The following ZDHHC21 variants were observed in gnomAD, a reference collection of about 807,000 sequenced individuals.
ZDHHC21 encodes palmitoyltransferase ZDHHC21.
In ZDHHC21, 15 loss-of-function variants were observed where a neutral mutation model predicts 34.6. The observed-to-expected ratio is 0.43, with a 90% CI of 0.29 to 0.67. ZDHHC21 has a LOEUF of 0.67. Ranked by LOEUF, ZDHHC21 falls within the 30% of genes least tolerant of loss-of-function variation. The probability of loss-of-function intolerance (pLI) is 0.14; values close to 1 mark genes in which losing one functional copy is unlikely to be tolerated. For missense variants in ZDHHC21, 344 were observed against 327.7 expected (o/e 1.05, Z -0.38); for synonymous variants, 142 against 101.8 (o/e 1.40, Z -2.38).
intron 6 of ZDHHC21, among the ~76,000 whole-genome samples, chr9:14,660,500 C>G (rs545630704): frequency 1.3e-5 from 2 of 151,266 alleles, no homozygotes; most frequent in East Asian, 3.9e-4. Context: ...CTGAAAACAT[C>G]AAAAATTTTC....
At chr9:14,640,684 T>G (rs1027370469) in intron 7 of ZDHHC21, among the ~76,000 whole-genome samples, 5 of 152,082 alleles carry the variant, frequency 3.3e-5, no homozygotes, top group Non-Finnish European at 7.4e-5. Context: ...GAGCTCAACT[T>G]TGGAAAATTC....
intron 8 of ZDHHC21, among the ~76,000 whole-genome samples, chr9:14,635,407 A>G (rs1396153926): frequency 6.6e-6 from 1 of 152,220 alleles, no homozygotes; most frequent in African/African-American, 2.4e-5. Context: ...TCAAAAGTCA[A>G]AGACAGAGAA....
rs76729549 is a variant in ZDHHC21, at chr9:14,687,300, C to G, written c.-176+3037G>C. Reference sequence around the variant, plus strand: ...CAGAGCTACACTGCAGACACAGCCTCTGAAATGAGATTCGTATTTCAGTAC... The same window carrying G: ...CAGAGCTACACTGCAGACACAGCCTGTGAAATGAGATTCGTATTTCAGTAC... On this transcript the variant is annotated intron_variant, in intron 2 of 9. Transcript: ENST00000380916. 1.8e-3 allele frequency among the ~76,000 whole-genome samples: 266 copies of G among 150,886 alleles called. 19 individuals carry two copies. Among genetic ancestry groups the G allele is most frequent in the African/African-American group, 6.2e-3 (250 of 40,182 alleles).
rs961969591 is a variant in ZDHHC21 at position 14,617,932 on chromosome 9, T to C, written c.*1034A>G. The C allele has an allele frequency of 2.0e-5, 3 of 152,058 alleles. No individual in the cohort carries two copies. Among genetic ancestry groups the C allele is most frequent in the Admixed American group, 2.0e-4 (3 of 15,238 alleles). 9.4% of individuals were successfully genotyped at this position (152,058 alleles called of 1,614,324 possible). A position where few individuals can be genotyped will look rare whatever the true frequency, so the allele number is the denominator to read the frequency against. On this transcript the variant is annotated 3_prime_UTR_variant, in exon 10 of 10. Coordinates refer to ENST00000380916, the MANE Select transcript of ZDHHC21 (RefSeq NM_178566.6). ...GTAGTAGCTTCCTATAAATAAAATT[T>C]CTATATGAGTTGGCCAATATATATA...
intron 7 of ZDHHC21, among the ~76,000 whole-genome samples, chr9:14,640,278 G>A (rs1291353726): frequency 1.4e-5 from 2 of 138,422 alleles, no homozygotes; most frequent in Non-Finnish European, 3.0e-5. Context: ...GTGCAAGTTA[G>A]CCTTGTTTGT....
downstream of ZDHHC21, among the ~76,000 whole-genome samples, chr9:14,609,296 A>C (rs1823124874): frequency 6.6e-6 from 1 of 152,164 alleles, no homozygotes; most frequent in Non-Finnish European, 1.5e-5. Context: ...ATTATTACTA[A>C]AGAAAAGCAC....
chr9:14,646,327 T>C (rs533012973), intron 7 of ZDHHC21, among the ~76,000 whole-genome samples: 1 of 152,174 alleles, frequency 6.6e-6, no homozygotes, highest in Non-Finnish European at 1.5e-5. Context: ...CTCCTTCATA[T>C]GTGTATCACA....
chr9:14,593,751 C>G, the ZDHHC21 span: 52,369 of 152,498 alleles, frequency 0.34, 9,345 homozygotes, highest in Middle Eastern at 0.4. Context: ...ACCTCTGCCA[C>G]TGGGTCCTCA....
chr9:14,618,998 G>C lies in ZDHHC21; in HGVS notation c.766C>G (p.Arg256Gly). 6.2e-7 allele frequency: 1 copy of C among 1,610,988 alleles called. No homozygotes were observed. The highest frequency in any genetic ancestry group is 8.5e-7 in the Non-Finnish European group (1 of 1,178,360). Reference protein sequence around the residue: ...FIPFRQRQPLRVPYHFANHV With the variant: ...FIPFRQRQPLGVPYHFANHV ...TGATTGGCAAAGTGGTAGGGAACTC[G>C]CAGTGGTTGCCTCTGCCTGAAAGGA... Residue 256 changes from arginine (R) to glycine (G), a missense_variant, in exon 10 of 10, where the codon CGA becomes GGA. Transcript: ENST00000380916.
rs558661410 is a variant in ZDHHC21 at position 14,686,679 on chromosome 9, T to C, written c.-176+3658A>G. On this transcript the variant is annotated intron_variant, in intron 2 of 9. Transcript: ENST00000380916. ...GCTTTTTAGAGACTAAACACAGAAT[T>C]ACAAAGTTAAAGTCTGGGTATAGTG... Among the ~76,000 whole-genome samples the C allele has an allele frequency of 2.0e-5, 3 of 152,224 alleles. No individual in the cohort carries two copies. In the South Asian group the frequency reaches 6.2e-4, roughly 32 times the overall value.
At chr9:14,685,308 A>C (rs1838125336) in intron 2 of ZDHHC21, among the ~76,000 whole-genome samples, 1 of 151,960 alleles carries the variant, frequency 6.6e-6, no homozygotes, top group Non-Finnish European at 1.5e-5. Context: ...TACTCATCTG[A>C]CAAAGGGCTA....
chr9:14,604,371 T>C, the ZDHHC21 span, among the ~76,000 whole-genome samples: 1 of 152,228 alleles, frequency 6.6e-6, no homozygotes, highest in South Asian at 2.1e-4. Flanking sequence ...TTAATAAAGA[T>C]GTTTTGTTTA....
rs1228674061 is a variant in ZDHHC21 at position 14,658,776 on chromosome 9, A to G, written c.477T>C (p.Tyr159=). Reference sequence around the variant, plus strand: ...AATTACGCTTTTTTAGTGGAAGAAAATAGTAATAGTGGCAGAAAGAAAACA... The same window carrying G: ...AATTACGCTTTTTTAGTGGAAGAAAGTAGTAATAGTGGCAGAAAGAAAACA... ...ALMFSFCHYY[Y]FLPLKKRNLD... is the part of the protein sequence containing the mutation. Residue 159 remains tyrosine, a synonymous_variant, in exon 7 of 10, where the codon TAT becomes TAC. Transcript: ENST00000380916. 2.5e-6 allele frequency: 4 copies of G among 1,613,904 alleles called. No homozygotes were observed. The Admixed American group carries it at 6.7e-5, about 27-fold the overall frequency.
Position 14,613,089 on chromosome 9 carries a change from A to T in ZDHHC21, c.*5877T>A, listed in dbSNP as rs1322161841. On this transcript the variant is annotated 3_prime_UTR_variant, in exon 10 of 10. Transcript: ENST00000380916. ...TTCAGCCTATCAAACTACCTTTTAA[A>T]GTAGCCAAGCTATATTAAAATACAA... 4 of 151,870 alleles carry T rather than the reference A, an allele frequency of 2.6e-5. No individual in the cohort carries two copies. Among genetic ancestry groups the T allele is most frequent in the African/African-American group, 9.7e-5 (4 of 41,414 alleles). The allele number at this position is 151,870 out of a possible 1,614,324, so 9.4% of individuals were successfully genotyped here.
chr9:14,659,954 C>G (rs1833038788), intron 6 of ZDHHC21, among the ~76,000 whole-genome samples: 1 of 152,192 alleles, frequency 6.6e-6, no homozygotes. Flanking sequence ...TTCCTGTCCC[C>G]AGGAAGTTTG....
chr9:14,682,714 C>A (rs1432307147), intron 2 of ZDHHC21, among the ~76,000 whole-genome samples: 1 of 152,212 alleles, frequency 6.6e-6, no homozygotes, highest in Non-Finnish European at 1.5e-5. Context: ...AACTCTCCAC[C>A]TCAAATCAAC....
At chr9:14,650,095 T>C (rs1292727246) in intron 7 of ZDHHC21, among the ~76,000 whole-genome samples, 1 of 152,024 alleles carries the variant, frequency 6.6e-6, no homozygotes, top group Non-Finnish European at 1.5e-5. Context: ...TCAGTCAACC[T>C]GGTGTTGTAG....
chr9:14,624,240 A>G (rs1206051492), intron 8 of ZDHHC21, among the ~76,000 whole-genome samples: 1 of 152,158 alleles, frequency 6.6e-6, no homozygotes, highest in African/African-American at 2.4e-5. Context: ...ATATTCAAAT[A>G]CTACACCATT....
At chr9:14,666,684 G>A (rs1488756958) in intron 5 of ZDHHC21, among the ~76,000 whole-genome samples, 1 of 103,224 alleles carries the variant, frequency 9.7e-6, no homozygotes, top group Non-Finnish European at 2.2e-5. Context: ...TAGAACTCAG[G>A]ATTAAGAATC....
Sources: allele counts gnomAD v4.1 joint callset (sites outside exome capture counted in the v4.1 genomes callset), GRCh38; gene constraint gnomAD v4.1.1; transcripts MANE v1.5; gene names NCBI Gene and HGNC (gene_info 2026-07-23, HGNC 2026-07-21).